Variants in C16orf78 observed in about 807,000 individuals in gnomAD.
The protein encoded by C16orf78 is chromosome 16 open reading frame 78.
In C16orf78, 19 loss-of-function variants were observed where a neutral mutation model predicts 27.3. The ratio of observed to expected loss-of-function variants is 0.70; its 90% CI spans 0.49 to 1.02. The LOEUF is 1.02. C16orf78 is among the 50% of genes least tolerant of loss of function. C16orf78 has a pLI of 0.00. For missense variants in C16orf78, 339 were observed against 337.0 expected, an observed-to-expected ratio of 1.01 and a Z score of -0.05; for synonymous variants, 130 against 116.1, an observed-to-expected ratio of 1.12 and a Z score of -0.77.
chr16:49,396,667 G>A lies in C16orf78; in HGVS notation c.639G>A (p.Val213=). 1 of 1,607,984 alleles carries A rather than the reference G, an allele frequency of 6.2e-7. No individual in the cohort carries two copies. Among genetic ancestry groups the A allele is most frequent in the Non-Finnish European group, 8.5e-7 (1 of 1,179,924 alleles). Residue 213 remains valine (V), a synonymous_variant, in exon 4 of 5, where the codon GTG becomes GTA. Transcript: ENST00000299191. ...ETMRMLKPEE[V]LSCRYLRLSK... ...TGAGGATGTTGAAGCCAGAGGAGGTGCTGAGCTGCCGGTGAGAGCTGCCAC... is the reference window on the plus strand; with the variant it reads ...TGAGGATGTTGAAGCCAGAGGAGGTACTGAGCTGCCGGTGAGAGCTGCCAC...
intron 3 of C16orf78, among the ~76,000 whole-genome samples, chr16:49,384,990 G>C (rs764246920): frequency 8.5e-5 from 13 of 152,152 alleles, no homozygotes; most frequent in South Asian, 2.1e-4. Flanking sequence ...CAAACAAAGA[G>C]TGAGAGTTTT....
intron 3 of C16orf78, among the ~76,000 whole-genome samples, chr16:49,394,774 G>T (rs1965450931): frequency 6.6e-6 from 1 of 151,950 alleles, no homozygotes. Flanking sequence ...TAATATGATT[G>T]TATATCTGCA....
chr16:49,379,983 GC>G (rs2151611303), intron 3 of C16orf78, among the ~76,000 whole-genome samples: 1 of 152,338 alleles, frequency 6.6e-6, no homozygotes, highest in Admixed American at 6.5e-5. Context: ...CTAGAATAAA[GC>G]AGGCAGAAGT....
At position 49,380,277 on chromosome 16, in the gene C16orf78, A is replaced by G. The variant is rs137919834; in HGVS notation, c.394+1684A>G. Among the ~76,000 whole-genome samples, 591 of 152,282 alleles carry G rather than the reference A, an allele frequency of 3.9e-3. 4 individuals are homozygous for G. The highest frequency in any genetic ancestry group is 0.014 in the African/African-American group (570 of 41,562). On this transcript the variant is annotated intron_variant, in intron 3 of 4. Coordinates refer to ENST00000299191, the MANE Select transcript of C16orf78 (RefSeq NM_144602.4). ...GTGATCATGTGAGTCAATACTCCTTAATAAACTCCCCTTCATATATACATC... is the reference window on the plus strand; with the variant it reads ...GTGATCATGTGAGTCAATACTCCTTGATAAACTCCCCTTCATATATACATC...
At chr16:49,391,929 C>A (rs1004663646) in intron 3 of C16orf78, among the ~76,000 whole-genome samples, 3 of 152,150 alleles carry the variant, frequency 2.0e-5, no homozygotes, top group South Asian at 2.1e-4. Flanking sequence ...GCTGAGGCCA[C>A]CTGACCTTAT....
intron 3 of C16orf78, among the ~76,000 whole-genome samples, chr16:49,384,103 C>G (rs1965317592): frequency 6.6e-6 from 1 of 152,126 alleles, no homozygotes; most frequent in Non-Finnish European, 1.5e-5. Flanking sequence ...AATACCAGCA[C>G]TTTGGGAGGC....
rs762787673 is a variant in C16orf78 at position 49,377,683 on chromosome 16, C to G, written c.151-48C>G. 1.9e-6 allele frequency: 3 copies of G among 1,579,166 alleles called. No homozygotes were observed. The South Asian group carries it at 3.5e-5, about 18-fold the overall frequency. On this transcript the variant is annotated intron_variant, in intron 1 of 4. Transcript: ENST00000299191. ...TCTCCTTGGGGAAAGGGAGGGGATG[C>G]TGTCCCCACAGCAGTGGCTGCAGGG...
intron 3 of C16orf78, among the ~76,000 whole-genome samples, chr16:49,391,465 G>A (rs890191565): frequency 6.6e-6 from 1 of 152,164 alleles, no homozygotes; most frequent in Non-Finnish European, 1.5e-5. Context: ...CACAAACCCA[G>A]GAATGTGGGT....
At chr16:49,395,776 G>A (rs1460307594) in intron 3 of C16orf78, among the ~76,000 whole-genome samples, 1 of 152,138 alleles carries the variant, frequency 6.6e-6, no homozygotes, top group Non-Finnish European at 1.5e-5. Context: ...TGGGATATCA[G>A]AAGATATCCT....
chr16:49,382,875 T>A (rs1965304623), intron 3 of C16orf78, among the ~76,000 whole-genome samples: 2 of 152,222 alleles, frequency 1.3e-5, no homozygotes, highest in African/African-American at 2.4e-5. Context: ...AGAACCATGT[T>A]TCATTTGTCT....
In C16orf78 at chr16:49,392,787, A is replaced by G. The variant is rs563783089; in HGVS notation, c.395-3636A>G. On this transcript the variant is annotated intron_variant, in intron 3 of 4. Transcript: ENST00000299191. Reference sequence around the variant, plus strand: ...TGATGCCTGGTGTATAAATGATGCTATCACCCAAGTAGTGAGCATATGATA... The same window carrying G: ...TGATGCCTGGTGTATAAATGATGCTGTCACCCAAGTAGTGAGCATATGATA... Among the ~76,000 whole-genome samples, 4 of 152,270 alleles carry G rather than the reference A, an allele frequency of 2.6e-5. 1 individual carries two copies. In the South Asian group the frequency reaches 8.3e-4, roughly 32 times the overall value.
chr16:49,386,267 C>T (rs1479597923), intron 3 of C16orf78, among the ~76,000 whole-genome samples: 1 of 152,156 alleles, frequency 6.6e-6, no homozygotes, highest in Non-Finnish European at 1.5e-5. Context: ...GGGACTTTAA[C>T]ACTTCACTCT....
At chr16:49,384,684 C>A (rs760061919) in intron 3 of C16orf78, among the ~76,000 whole-genome samples, 1 of 152,148 alleles carries the variant, frequency 6.6e-6, no homozygotes, top group Non-Finnish European at 1.5e-5. Context: ...CATTAAGATT[C>A]ATGAGGCCCA....
chr16:49,389,750 A>G (rs1965390814), intron 3 of C16orf78, among the ~76,000 whole-genome samples: 1 of 152,172 alleles, frequency 6.6e-6, no homozygotes, highest in South Asian at 2.1e-4. Context: ...TTGTTGCCAC[A>G]CATTATATTT....
At chr16:49,374,211 G>A in intron 1 of C16orf78, 122 bp downstream of exon 1, 3 of 1,237,124 alleles carry the variant, frequency 2.4e-6, no homozygotes, top group Admixed American at 2.5e-5. Context: ...GCTGGGATAA[G>A]CTAGTGAGAA....
chr16:49,379,249 T>C (rs1488711644), intron 3 of C16orf78, among the ~76,000 whole-genome samples: 1 of 152,166 alleles, frequency 6.6e-6, no homozygotes, highest in Non-Finnish European at 1.5e-5. Context: ...GAGGAGGTGC[T>C]GAATAAATAT....
chr16:49,396,705 T>C, intron 4 of C16orf78, 27 bp downstream of exon 4: 1 of 1,596,692 alleles, frequency 6.3e-7, no homozygotes, highest in Non-Finnish European at 8.5e-7. Flanking sequence ...CCTGGGCAGA[T>C]GGGGTGGGGT....
intron 3 of C16orf78, among the ~76,000 whole-genome samples, chr16:49,384,176 C>T (rs1965318199): frequency 6.6e-6 from 1 of 151,814 alleles, no homozygotes; most frequent in Admixed American, 6.6e-5. Flanking sequence ...TGGAGAAACC[C>T]CATCTTTACT....
At chr16:49,379,985 A>C (rs1965267684) in intron 3 of C16orf78, among the ~76,000 whole-genome samples, 2 of 152,238 alleles carry the variant, frequency 1.3e-5, no homozygotes, top group South Asian at 4.1e-4. Context: ...AGAATAAAGC[A>C]GGCAGAAGTT....
Sources: allele counts gnomAD v4.1 joint callset (sites outside exome capture counted in the v4.1 genomes callset), GRCh38; gene constraint gnomAD v4.1.1; transcripts MANE v1.5; gene names NCBI Gene and HGNC (gene_info 2026-07-23, HGNC 2026-07-21).